Variants in ARVCF observed in about 807,000 individuals in gnomAD.
ARVCF encodes the protein ARVCF delta catenin family member.
ARVCF carries 66 observed loss-of-function variants against 90.9 expected under a neutral mutation model. That is an observed-to-expected ratio of 0.73 (90% CI 0.60 to 0.89). ARVCF has a LOEUF of 0.89. Ranked by LOEUF, ARVCF falls within the 40% of genes least tolerant of loss-of-function variation. The pLI, the probability that ARVCF is intolerant of heterozygous loss-of-function variation, is 0.00. For synonymous variants in ARVCF, 653 were observed against 603.4 expected, an observed-to-expected ratio of 1.08 and a Z score of -1.21; for missense variants, 1,469 against 1,382.3, an observed-to-expected ratio of 1.06 and a Z score of -1.00.
At chr22:20,003,694 T>C (rs1944522320) in intron 2 of ARVCF, among the ~76,000 whole-genome samples, 1 of 152,042 alleles carries the variant, frequency 6.6e-6, no homozygotes, top group Non-Finnish European at 1.5e-5. Flanking sequence ...ATAAAAACAC[T>C]CAAACTAGGA....
At chr22:19,971,158 G>A in intron 19 of ARVCF, 58 bp downstream of exon 19, 1 of 1,550,602 alleles carries the variant, frequency 6.4e-7, no homozygotes, top group Non-Finnish European at 8.7e-7. Context: ...AGACTAACAA[G>A]AAGCCCTGGC....
intron 6 of ARVCF, 42 bp downstream of exon 6, chr22:19,979,701 T>A: frequency 6.5e-7 from 1 of 1,549,754 alleles, no homozygotes; most frequent in South Asian, 1.2e-5. Flanking sequence ...CCTCACACTC[T>A]TCTCTTCCCA....
chr22:19,986,655 G>C (rs954727553), intron 3 of ARVCF: 6 of 169,512 alleles, frequency 3.5e-5, no homozygotes, highest in African/African-American at 1.4e-4. Flanking sequence ...GCCTACCCGG[G>C]CTTCCCTCTT....
chr22:19,979,070 C>G lies in ARVCF; in HGVS notation c.1407G>C (p.Trp469Cys). The G allele has an allele frequency of 6.2e-7, 1 of 1,612,546 alleles. No individual in the cohort carries two copies. Among genetic ancestry groups the G allele is most frequent in the Non-Finnish European group, 8.5e-7 (1 of 1,179,374 alleles). Residue 469 changes from tryptophan to cysteine, a missense_variant, in exon 7 of 20, where the codon TGG becomes TGC. Physicochemically the swap from Trp to Cys is radical, Grantham distance 215 (BLOSUM62 -2). Coordinates refer to ENST00000263207, the MANE Select transcript of ARVCF (RefSeq NM_001670.3). Reference protein sequence around the residue: ...EVRELVTGTLWNLSSYEPLKM... With the variant: ...EVRELVTGTLCNLSSYEPLKM... ...TCAGGGGCTCATAGGATGACAGGTT[C>G]CACAGGGTGCCTGTGGGGTGCGATT...
downstream of ARVCF, chr22:19,969,319 G>A (rs915493261): frequency 9.7e-5 from 15 of 154,058 alleles, no homozygotes; most frequent in African/African-American, 3.6e-4. Context: ...CAGGCGCTGG[G>A]GACAGGTGGA....
rs781011681 is a variant in ARVCF at position 19,980,092 on chromosome 22, G to T, written c.1047C>A (p.Ala349=). Residue 349 remains alanine (A), a synonymous_variant, in exon 6 of 20, where the codon GCC becomes GCA. Transcript: ENST00000263207. ...GGTCCCGCCAGCGCGGCTCCTTGCG[G>T]GCGCTATCCACTGAGGGCGAGCGCC... ...LVRRSPSVDS[A]RKEPRWRDPE... 6.9e-6 allele frequency: 11 copies of T among 1,584,108 alleles called. No homozygotes were observed. Among genetic ancestry groups the T allele is most frequent in the Non-Finnish European group, 9.4e-6 (11 of 1,167,392 alleles).
chr22:19,987,144 G>T (rs1043610622), intron 3 of ARVCF: 10 of 477,428 alleles, frequency 2.1e-5, no homozygotes, highest in Non-Finnish European at 3.8e-5. Flanking sequence ...GCGGTGGCTG[G>T]ACCAGGCTCG....
chr22:19,981,148 A>C (rs1943469182), intron 5 of ARVCF, 63 bp downstream of exon 5: 1 of 1,455,162 alleles, frequency 6.9e-7, no homozygotes, highest in African/African-American at 1.4e-5. Flanking sequence ...GGCACTCTGT[A>C]GTTGGGGGGT....
intron 2 of ARVCF, among the ~76,000 whole-genome samples, chr22:20,000,052 C>T (rs2146437619): frequency 6.6e-6 from 1 of 152,308 alleles, no homozygotes; most frequent in Non-Finnish European, 1.5e-5. Flanking sequence ...CAGCCTGTCC[C>T]CTGAAAGTCC....
intron 2 of ARVCF, among the ~76,000 whole-genome samples, chr22:19,995,938 G>C (rs1267479361): frequency 1.3e-5 from 2 of 152,204 alleles, no homozygotes; most frequent in African/African-American, 2.4e-5. Flanking sequence ...CTGCCTGGGA[G>C]GACATCCTGG....
chr22:19,994,824 T>C (rs1601646744), intron 2 of ARVCF, among the ~76,000 whole-genome samples: 1 of 132,948 alleles, frequency 7.5e-6, no homozygotes, highest in African/African-American at 2.9e-5. Flanking sequence ...GATGGATGGG[T>C]GGGTAGGAGG....
At chr22:19,966,270 G>C (rs1188244265), downstream of ARVCF, among the ~76,000 whole-genome samples, 1 of 152,058 alleles carries the variant, frequency 6.6e-6, no homozygotes, top group Non-Finnish European at 1.5e-5. Flanking sequence ...TGAGGGTCTA[G>C]CCATCCCCTC....
In ARVCF at chr22:19,976,722, C is replaced by A. The variant is rs769148437; in HGVS notation, c.1872G>T (p.Glu624Asp). 6.4e-7 allele frequency: 1 copy of A among 1,560,446 alleles called. No individual in the cohort carries two copies. Among genetic ancestry groups the A allele is most frequent in the African/African-American group, 1.3e-5 (1 of 74,104 alleles). ...ASCFGGKKAK[E>D]EWFHQGKKDG... ...GGGACTCACCTTGGTGGAACCACTC[C>A]TCTGGGAGGCCGGAGGAAGCAGAGG... Residue 624 changes from glutamate to aspartate, a missense_variant and splice_region_variant, in exon 10 of 20, where the codon GAG becomes GAT. Coordinates refer to ENST00000263207, the MANE Select transcript of ARVCF (RefSeq NM_001670.3).
intron 6 of ARVCF, 94 bp from the exon 7 acceptor site, chr22:19,979,174 A>C: frequency 3.0e-6 from 4 of 1,327,384 alleles, no homozygotes; most frequent in Non-Finnish European, 4.2e-6. Flanking sequence ...CACTCTCCTC[A>C]TGTCCCAGCT....
chr22:20,006,508 G>A (rs923877765), intron 2 of ARVCF, among the ~76,000 whole-genome samples: 2 of 148,662 alleles, frequency 1.3e-5, no homozygotes, highest in South Asian at 4.3e-4. Flanking sequence ...GAACCCAGGA[G>A]GCGGAGCTTG....
chr22:19,972,099 C>A, intron 17 of ARVCF, 128 bp from the exon 18 acceptor site: 1 of 981,616 alleles, frequency 1.0e-6, no homozygotes, highest in Non-Finnish European at 1.5e-6. Flanking sequence ...CCCACCCACC[C>A]TGTCCTGGAG....
Position 19,981,311 on chromosome 22 carries a change from G to C in ARVCF, c.796C>G (p.Arg266Gly). The change falls in exon 5 of 20, where the codon CGC (arginine) becomes GGC (glycine). Residue 266 changes from arginine (R) to glycine (G), a missense_variant. Coordinates refer to ENST00000263207, the MANE Select transcript of ARVCF (RefSeq NM_001670.3). ...CCCTCGTCATCAGCGGCCAGGCTGC[G>C]CGTGTCATCCTCCAAGCCATACGGC... The part of the protein sequence containing the change: ...AEPYGLEDDT[R>G]SLAADDEGGP... 6.3e-7 allele frequency: 1 copy of C among 1,598,468 alleles called. No individual in the cohort carries two copies. The highest frequency in any genetic ancestry group is 8.5e-7 in the Non-Finnish European group (1 of 1,173,860).
Position 19,981,290 on chromosome 22 carries a change from C to T in ARVCF, c.817G>A (p.Glu273Lys), listed in dbSNP as rs763863615. The T allele has an allele frequency of 3.2e-6, 5 of 1,586,378 alleles. No individual in the cohort carries two copies. The highest frequency in any genetic ancestry group is 1.8e-5 in the Admixed American group (1 of 56,016). Reference protein sequence around the residue: ...DDTRSLAADDEGGPELEPDYG... With the variant: ...DDTRSLAADDKGGPELEPDYG... ...TCAGGCTCCAGCTCAGGGCCACCCT[C>T]GTCATCAGCGGCCAGGCTGCGCGTG... The change falls in exon 5 of 20, where the codon GAG becomes AAG. Residue 273 changes from glutamate to lysine, a missense_variant. Transcript: ENST00000263207.
chr22:19,977,073 T>C (rs544255063), intron 9 of ARVCF, among the ~76,000 whole-genome samples: 1 of 152,304 alleles, frequency 6.6e-6, no homozygotes, highest in South Asian at 2.1e-4. Context: ...TCTACAGCTA[T>C]TCTGTGAACA....
Sources: gnomAD v4.1 joint callset for allele counts (sites outside exome capture counted in the v4.1 genomes callset) on GRCh38, gnomAD v4.1.1 for gene constraint, MANE v1.5 for transcripts, NCBI Gene and HGNC (gene_info 2026-07-23, HGNC 2026-07-21) for gene names.